The following DIP2C variants were observed in gnomAD, a reference collection of about 807,000 sequenced individuals.
DIP2C encodes disco-interacting protein 2 homolog C.
DIP2C carries 33 observed loss-of-function variants against 192.4 expected under a neutral mutation model. That is an observed-to-expected ratio of 0.17 (90% CI 0.13 to 0.23). The LOEUF is 0.23. DIP2C is among the 10% of genes least tolerant of loss of function. The pLI is 1.00. For missense variants in DIP2C, 1,537 were observed against 2,110.1 expected (o/e 0.73, Z 5.32); for synonymous variants, 979 against 864.1 (o/e 1.13, Z -2.33).
At chr10:343,085 C>G (rs530915090) in intron 28 of DIP2C, among the ~76,000 whole-genome samples, 2 of 152,138 alleles carry the variant, frequency 1.3e-5, no homozygotes, top group African/African-American at 4.8e-5. Flanking sequence ...GTCAGGAGAT[C>G]GAGAACATCC....
intron 3 of DIP2C, among the ~76,000 whole-genome samples, chr10:458,590 T>C (rs1008028887): frequency 1.3e-5 from 2 of 150,146 alleles, no homozygotes; most frequent in African/African-American, 5.0e-5. Flanking sequence ...GCAAGGAGGA[T>C]GTCCTCTACA....
chr10:573,461 G>A (rs796920631), intron 1 of DIP2C, among the ~76,000 whole-genome samples: 11 of 152,258 alleles, frequency 7.2e-5, no homozygotes, highest in African/African-American at 2.2e-4. Flanking sequence ...AAGGCTTGAC[G>A]GCAGGGGCGC....
At chr10:590,094 G>T (rs752861390) in intron 1 of DIP2C, among the ~76,000 whole-genome samples, 1 of 152,188 alleles carries the variant, frequency 6.6e-6, no homozygotes, top group East Asian at 1.9e-4. Context: ...TCCTCTAAAC[G>T]GGAGGTCCCG....
rs1351527800 is a variant in DIP2C at position 545,145 on chromosome 10, C to T, written c.86-58615G>A. Reference sequence around the variant, plus strand: ...TAAGATCTTAAGAGTAGGCCCTGATCCAACATGACTGGTGTTTTCCCTTTT... The same window carrying T: ...TAAGATCTTAAGAGTAGGCCCTGATTCAACATGACTGGTGTTTTCCCTTTT... On this transcript the variant is annotated intron_variant, in intron 1 of 36. Coordinates refer to ENST00000280886, the MANE Select transcript of DIP2C (RefSeq NM_014974.3). 2.1e-5 allele frequency among the ~76,000 whole-genome samples: 3 copies of T among 145,252 alleles called. No individual in the cohort carries two copies. The East Asian group carries it at 6.0e-4, about 29-fold the overall frequency.
At chr10:497,346 T>C (rs201564968) in intron 1 of DIP2C, among the ~76,000 whole-genome samples, 2 of 152,296 alleles carry the variant, frequency 1.3e-5, no homozygotes, top group East Asian at 3.9e-4. Context: ...ACTCTGCACC[T>C]TGGAAATTTT....
intron 1 of DIP2C, among the ~76,000 whole-genome samples, chr10:523,749 A>ACT (rs1846877634): frequency 6.6e-6 from 1 of 150,530 alleles, no homozygotes; most frequent in South Asian, 2.1e-4. Flanking sequence ...AGATGCAGGG[A>ACT]CTCTGTGTGA....
chr10:404,651 AG>A (rs1272601548), intron 9 of DIP2C, among the ~76,000 whole-genome samples: 11 of 152,238 alleles, frequency 7.2e-5, no homozygotes, highest in African/African-American at 2.7e-4. Context: ...GGTCATTGAG[AG>A]GGGAGCAGGC....
chr10:491,074 G>A (rs17293419), intron 1 of DIP2C, among the ~76,000 whole-genome samples: 53,578 of 151,934 alleles, frequency 0.35, 11,250 homozygotes, highest in Non-Finnish European at 0.48. Flanking sequence ...ACAGACACCC[G>A]GCCCTTGTGG....
intron 4 of DIP2C, among the ~76,000 whole-genome samples, chr10:439,551 C>T (rs181507510): frequency 1.2e-4 from 18 of 152,268 alleles, no homozygotes; most frequent in African/African-American, 3.4e-4. Context: ...CAGGTGGTCA[C>T]GGCTGCAGTG....
chr10:342,105 T>C (rs1022943993), intron 28 of DIP2C, among the ~76,000 whole-genome samples: 4 of 152,030 alleles, frequency 2.6e-5, no homozygotes, highest in African/African-American at 9.7e-5. Context: ...GCTATTGAAA[T>C]AGTGCGTTTG....
intron 4 of DIP2C, among the ~76,000 whole-genome samples, chr10:423,995 A>G (rs929493103): frequency 1.3e-5 from 2 of 152,178 alleles, no homozygotes; most frequent in South Asian, 2.1e-4. Flanking sequence ...TTTTTTCACT[A>G]TAATTTATGA....
At chr10:332,753 T>C (rs2132479014) in intron 29 of DIP2C, among the ~76,000 whole-genome samples, 1 of 152,182 alleles carries the variant, frequency 6.6e-6, no homozygotes, top group East Asian at 1.9e-4. Context: ...CCTGACAAAA[T>C]ATACCAACAA....
At chr10:597,797 T>G (rs1386689119) in intron 1 of DIP2C, among the ~76,000 whole-genome samples, 1 of 152,150 alleles carries the variant, frequency 6.6e-6, no homozygotes, top group Non-Finnish European at 1.5e-5. Flanking sequence ...TGGCCACAGC[T>G]GGGGCCACAC....
chr10:367,756 C>G (rs1385207181), intron 18 of DIP2C, among the ~76,000 whole-genome samples: 1 of 152,238 alleles, frequency 6.6e-6, no homozygotes, highest in Non-Finnish European at 1.5e-5. Context: ...CTTGAGAACA[C>G]CGCGGAGCTC....
At chr10:633,109 A>T (rs1854620197) in intron 1 of DIP2C, among the ~76,000 whole-genome samples, 1 of 152,250 alleles carries the variant, frequency 6.6e-6, no homozygotes, top group Admixed American at 6.5e-5. Flanking sequence ...CTTCTACCTC[A>T]ACCGGGATCA....
At chr10:622,985 T>G (rs763784994) in intron 1 of DIP2C, among the ~76,000 whole-genome samples, 2 of 152,242 alleles carry the variant, frequency 1.3e-5, no homozygotes, top group Non-Finnish European at 2.9e-5. Context: ...CTAAATTCAC[T>G]TTTTCTTTAT....
chr10:618,578 T>C (rs1308262509), intron 1 of DIP2C, among the ~76,000 whole-genome samples: 3 of 89,294 alleles, frequency 3.4e-5, no homozygotes, highest in East Asian at 3.0e-4. Flanking sequence ...CAAAGCTCCA[T>C]GTATGAATTT....
chr10:477,276 A>C (rs919422680), intron 2 of DIP2C, among the ~76,000 whole-genome samples: 23 of 71,606 alleles, frequency 3.2e-4, no homozygotes, highest in Non-Finnish European at 3.8e-4. Context: ...TAGAGAAGGA[A>C]GGGAAGGAAG....
chr10:544,181 G>A (rs150037777), intron 1 of DIP2C, among the ~76,000 whole-genome samples: 8 of 150,562 alleles, frequency 5.3e-5, no homozygotes, highest in South Asian at 4.2e-4. Flanking sequence ...CATCTTTCCC[G>A]TTCAAGGTGA....
Sources: allele counts gnomAD v4.1 joint callset (sites outside exome capture counted in the v4.1 genomes callset), GRCh38; gene constraint gnomAD v4.1.1; transcripts MANE v1.5; gene names NCBI Gene and HGNC (gene_info 2026-07-23, HGNC 2026-07-21).